Variants in KHDRBS2 observed in about 807,000 individuals in gnomAD.
The protein encoded by KHDRBS2 is KH RNA binding domain containing, signal transduction associated 2.
A neutral mutation model predicts 44.3 loss-of-function variants in KHDRBS2; 26 were observed. That is an observed-to-expected ratio of 0.59 (90% CI 0.43 to 0.81). The LOEUF (loss-of-function observed/expected upper bound fraction) is 0.81, where lower values mean the gene tolerates loss of function less well. Among genes scored for constraint, KHDRBS2 ranks in the 40% least tolerant of loss-of-function variants. The probability of loss-of-function intolerance (pLI) is 0.00; values close to 1 mark genes in which losing one functional copy is unlikely to be tolerated. For missense variants in KHDRBS2, 476 were observed against 433.1 expected (o/e 1.10, Z -0.88); for synonymous variants, 194 against 151.1 (o/e 1.28, Z -2.08).
the KHDRBS2 span, among the ~76,000 whole-genome samples, chr6:61,597,732 TTATATATA>T: frequency 1.1e-3 from 41 of 37,424 alleles, 3 homozygotes; most frequent in East Asian, 3.7e-3. Context: ...TTTGCACCTT[TTATATATA>T]TATATATATA....
chr6:61,770,073 C>T (rs1394882687), intron 6 of KHDRBS2, among the ~76,000 whole-genome samples: 2 of 152,184 alleles, frequency 1.3e-5, no homozygotes, highest in African/African-American at 4.8e-5. Context: ...CCCAGGCAAA[C>T]AGGGTCTGGA....
chr6:61,835,916 A>G (rs1792596188), intron 6 of KHDRBS2, among the ~76,000 whole-genome samples: 1 of 151,928 alleles, frequency 6.6e-6, no homozygotes, highest in Non-Finnish European at 1.5e-5. Flanking sequence ...CACATATAGG[A>G]CACTTGCTGT....
intron 2 of KHDRBS2, among the ~76,000 whole-genome samples, chr6:62,090,338 G>A (rs1018857253): frequency 5.9e-5 from 9 of 152,228 alleles, no homozygotes; most frequent in Admixed American, 2.6e-4. Flanking sequence ...AGACAGACAA[G>A]TTTGTCTCAG....
intron 2 of KHDRBS2, among the ~76,000 whole-genome samples, chr6:62,050,517 A>G (rs1788770616): frequency 6.6e-6 from 1 of 151,976 alleles, no homozygotes; most frequent in Non-Finnish European, 1.5e-5. Context: ...GGCTGAGAGA[A>G]AACACTCCTT....
intron 1 of KHDRBS2, among the ~76,000 whole-genome samples, chr6:62,194,480 C>CTTTTTTTCTTTT: frequency 1.4e-5 from 1 of 69,774 alleles, no homozygotes; most frequent in South Asian, 6.2e-4. Context: ...TCTTTTCTTC[C>CTTTTTTTCTTTT]TTTTTTTTTT....
intron 2 of KHDRBS2, among the ~76,000 whole-genome samples, chr6:62,062,954 C>A (rs1459008151): frequency 6.6e-6 from 1 of 150,694 alleles, no homozygotes; most frequent in East Asian, 2.0e-4. Context: ...GATATCACCA[C>A]CGATCCCACA....
chr6:62,136,984 C>CTTTCT (rs1246830309), intron 2 of KHDRBS2, among the ~76,000 whole-genome samples: 27 of 132,130 alleles, frequency 2.0e-4, no homozygotes, highest in African/African-American at 7.0e-4. Flanking sequence ...TTTCAGCTTT[C>CTTTCT]TTTCTTTTCT....
the KHDRBS2 span, among the ~76,000 whole-genome samples, chr6:61,616,190 A>G: frequency 6.6e-6 from 1 of 152,160 alleles, no homozygotes; most frequent in Non-Finnish European, 1.5e-5. Flanking sequence ...ATGAGAGTTT[A>G]GGTGTAAAAT....
At chr6:61,687,124 C>T (rs1396992306) in intron 8 of KHDRBS2, among the ~76,000 whole-genome samples, 1 of 151,624 alleles carries the variant, frequency 6.6e-6, no homozygotes, top group African/African-American at 2.4e-5. Flanking sequence ...TTTTAAGATG[C>T]AGAGGGTAAC....
intron 7 of KHDRBS2, among the ~76,000 whole-genome samples, chr6:61,729,337 G>A (rs1470173587): frequency 6.6e-6 from 1 of 152,108 alleles, no homozygotes; most frequent in Non-Finnish European, 1.5e-5. Flanking sequence ...GCCTTCAGGA[G>A]GAGGGAGAGG....
the KHDRBS2 span, among the ~76,000 whole-genome samples, chr6:61,549,596 T>A: frequency 6.6e-6 from 1 of 152,150 alleles, no homozygotes; most frequent in Non-Finnish European, 1.5e-5. Flanking sequence ...CTTCTATTGC[T>A]ATATGTTTTG....
intron 6 of KHDRBS2, among the ~76,000 whole-genome samples, chr6:61,790,261 C>T (rs1456291651): frequency 1.3e-5 from 2 of 151,304 alleles, no homozygotes; most frequent in Admixed American, 6.6e-5. Context: ...CTAATTTTTT[C>T]TCTACTTGTT....
intron 1 of KHDRBS2, among the ~76,000 whole-genome samples, chr6:62,256,900 G>A (rs1046796121): frequency 1.3e-5 from 2 of 152,034 alleles, no homozygotes; most frequent in African/African-American, 4.8e-5. Context: ...GGTTAAACCA[G>A]TGTGTGCACC....
chr6:62,185,388 A>G (rs373588191), intron 1 of KHDRBS2, among the ~76,000 whole-genome samples: 5 of 152,070 alleles, frequency 3.3e-5, no homozygotes, highest in African/African-American at 9.6e-5. Context: ...AGATGGTCCT[A>G]AGTCATGGAT....
rs138126243 is a variant in KHDRBS2 at position 61,866,920 on chromosome 6, C to T, written c.810+27715G>A. 6.6e-5 allele frequency among the ~76,000 whole-genome samples: 10 copies of T among 152,264 alleles called. No homozygotes were observed. In the Middle Eastern group the frequency reaches 0.014, roughly 207 times the overall value. On this transcript the variant is annotated intron_variant, in intron 6 of 8. Transcript: ENST00000281156. The stretch of plus-strand genomic sequence containing the variant: ...TCAGCCTGGACTTTATTGTCGATAT[C>T]GCTATCAGCATTTTGGACAAAGCTA...
At chr6:61,914,624 G>T (rs145503592) in intron 4 of KHDRBS2, among the ~76,000 whole-genome samples, 5 of 151,998 alleles carry the variant, frequency 3.3e-5, no homozygotes, top group Admixed American at 2.6e-4. Context: ...AAACCTGCAC[G>T]TTGTGCACAT....
chr6:62,252,482 G>C (rs1836710596), intron 1 of KHDRBS2, among the ~76,000 whole-genome samples: 2 of 151,740 alleles, frequency 1.3e-5, no homozygotes, highest in South Asian at 4.2e-4. Flanking sequence ...TATAGATATT[G>C]GATTTTTTTT....
At chr6:62,075,696 C>T (rs1310232632) in intron 2 of KHDRBS2, among the ~76,000 whole-genome samples, 2 of 151,822 alleles carry the variant, frequency 1.3e-5, no homozygotes, top group African/African-American at 4.8e-5. Context: ...AGATGAGTAA[C>T]TCTATCATCC....
chr6:62,271,996 C>A (rs1365064912), intron 1 of KHDRBS2, among the ~76,000 whole-genome samples: 1 of 152,144 alleles, frequency 6.6e-6, no homozygotes, highest in Admixed American at 6.5e-5. Flanking sequence ...CCACTATTGA[C>A]TAACTCACCC....
Sources: allele counts gnomAD v4.1 joint callset (sites outside exome capture counted in the v4.1 genomes callset), GRCh38; gene constraint gnomAD v4.1.1; transcripts MANE v1.5; gene names NCBI Gene and HGNC (gene_info 2026-07-23, HGNC 2026-07-21).